EHMT1: variants seen among roughly 807,000 people sequenced by gnomAD.
The protein encoded by EHMT1 is euchromatic histone lysine methyltransferase 1.
In EHMT1, 15 loss-of-function variants were observed where a neutral mutation model predicts 147.2. The observed-to-expected ratio is 0.10, with a 90% CI of 0.07 to 0.16. The LOEUF (loss-of-function observed/expected upper bound fraction) is 0.16. Ranked by LOEUF, EHMT1 falls within the 10% of genes least tolerant of loss-of-function variation. EHMT1 has a pLI of 1.00. For synonymous variants in EHMT1, 795 were observed against 709.6 expected, an observed-to-expected ratio of 1.12 and a Z score of -1.91; for missense variants, 1,587 against 1,772.4, an observed-to-expected ratio of 0.90 and a Z score of 1.88.
chr9:137,729,916 A>G lies in EHMT1; in HGVS notation c.823+1387A>G, dbSNP rs981580129. ...CTCAGTGTCCTGTTCCGCATTTCCC[A>G]TTCCCGACTGTCTTTTAGGGCAAAG... On this transcript the variant is annotated intron_variant, in intron 4 of 26. Coordinates refer to ENST00000460843, the MANE Select transcript of EHMT1 (RefSeq NM_024757.5). Among the ~76,000 whole-genome samples the G allele has an allele frequency of 3.9e-5, 6 of 152,262 alleles. No individual in the cohort carries two copies. The East Asian group carries it at 5.8e-4, about 15-fold the overall frequency.
chr9:137,759,709 T>G (rs1427987723), intron 9 of EHMT1, among the ~76,000 whole-genome samples: 1 of 152,220 alleles, frequency 6.6e-6, no homozygotes, highest in East Asian at 1.9e-4. Context: ...ATGCTCTTGA[T>G]GTAGATCATC....
intron 18 of EHMT1, among the ~76,000 whole-genome samples, chr9:137,804,234 C>A (rs1953744039): frequency 6.6e-6 from 1 of 152,210 alleles, no homozygotes; most frequent in South Asian, 2.1e-4. Flanking sequence ...GACACAGAGC[C>A]AACCCATATC....
chr9:137,677,973 G>T (rs1234829637), intron 1 of EHMT1, among the ~76,000 whole-genome samples: 1 of 151,864 alleles, frequency 6.6e-6, no homozygotes, highest in Non-Finnish European at 1.5e-5. Context: ...GGAGGCTGAG[G>T]CAGGAGAATG....
chr9:137,788,385 G>A (rs1007056024), intron 15 of EHMT1: 4 of 321,554 alleles, frequency 1.2e-5, no homozygotes, highest in South Asian at 9.5e-5. Flanking sequence ...CTCAGCCGGG[G>A]TGACGCTCAC....
intron 1 of EHMT1, among the ~76,000 whole-genome samples, chr9:137,644,400 C>T (rs1844734234): frequency 6.6e-6 from 1 of 151,734 alleles, no homozygotes; most frequent in Admixed American, 6.6e-5. Context: ...TTTTGGCTCA[C>T]TGCAACCTCT....
chr9:137,833,785 A>G (rs1956393067), intron 25 of EHMT1, among the ~76,000 whole-genome samples: 1 of 152,246 alleles, frequency 6.6e-6, no homozygotes, highest in Non-Finnish European at 1.5e-5. Flanking sequence ...AGCACCCGGA[A>G]GGGCTGCAGC....
At chr9:137,816,973 A>G (rs1235677778) in intron 23 of EHMT1, 1 of 214,620 alleles carries the variant, frequency 4.7e-6, no homozygotes, top group Non-Finnish European at 9.4e-6. Context: ...CTGCCCAACC[A>G]CCTTCCCCCA....
intron 6 of EHMT1, 127 bp from the exon 7 acceptor site, chr9:137,752,204 A>C (rs1949024445): frequency 1.6e-5 from 19 of 1,163,698 alleles, no homozygotes; most frequent in Non-Finnish European, 2.3e-5. Flanking sequence ...CCGCCCCGCG[A>C]GCGTCTCCGG....
In EHMT1 at chr9:137,828,075, C is replaced by CG; in HGVS notation, c.3541-6273dup. Among the ~76,000 whole-genome samples, 1 of 152,130 alleles carries CG rather than the reference C, an allele frequency of 6.6e-6. No homozygotes were observed. The highest frequency in any genetic ancestry group is 1.5e-5 in the Non-Finnish European group (1 of 68,014). Reference sequence around the variant, plus strand: ...GCTGCCATCGTGGGAGGGACGTGGACGAACGGCACGCAGTGGGAGGCCATG... The same window carrying CG: ...GCTGCCATCGTGGGAGGGACGTGGACGGAACGGCACGCAGTGGGAGGCCATG... On this transcript the variant is annotated intron_variant, in intron 25 of 26. Coordinates refer to ENST00000460843, the MANE Select transcript of EHMT1 (RefSeq NM_024757.5). The surrounding 1 kb of genome is among the most constrained non-coding windows in gnomAD (Gnocchi z 5.3).
chr9:137,811,366 C>T, intron 18 of EHMT1, 95 bp from the exon 19 acceptor site: 1 of 1,575,026 alleles, frequency 6.3e-7, no homozygotes, highest in African/African-American at 1.3e-5. Flanking sequence ...TCCAGAGCCT[C>T]TCCCCGGGCA....
intron 16 of EHMT1, among the ~76,000 whole-genome samples, chr9:137,794,847 A>G (rs140573815): frequency 2.1e-3 from 321 of 152,266 alleles, no homozygotes; most frequent in Non-Finnish European, 2.1e-3. Context: ...GAAATCAAAC[A>G]TGTTCGGGTA....
At chr9:137,699,131 C>T (rs967542295) in intron 1 of EHMT1, among the ~76,000 whole-genome samples, 7 of 152,176 alleles carry the variant, frequency 4.6e-5, no homozygotes, top group African/African-American at 1.2e-4. Context: ...CCTGAAGGCG[C>T]GCTGCCGTCT....
chr9:137,625,249 C>T (rs748108449), intron 1 of EHMT1, among the ~76,000 whole-genome samples: 9 of 152,182 alleles, frequency 5.9e-5, no homozygotes, highest in Non-Finnish European at 1.0e-4. Flanking sequence ...TCGTTGCATC[C>T]GTGATTTTCC....
chr9:137,619,387 G>A (rs1048225144), intron 1 of EHMT1, among the ~76,000 whole-genome samples: 2 of 151,906 alleles, frequency 1.3e-5, no homozygotes, highest in African/African-American at 4.8e-5. Flanking sequence ...CCGCAAGCCG[G>A]ATCTGCGGGG....
rs748490372 is a variant in EHMT1 at position 137,778,004 on chromosome 9, G to C, written c.2141G>C (p.Gly714Ala). 3 of 1,613,696 alleles carry C rather than the reference G, an allele frequency of 1.9e-6. No individual in the cohort carries two copies. In the African/African-American group the frequency reaches 4.0e-5, roughly 22 times the overall value. ...LGRPTPGLSQ[G>A]PGKETLESAL... ...AGGCCAACTCCCGGCCTTTCCCAGG[G>C]ACCAGGGAAGGAAACCTTGGAGAGC... Residue 714 changes from glycine (G) to alanine (A), a missense_variant, in exon 13 of 27, where the codon GGA becomes GCA. Gly to Ala is a moderately conservative substitution (Grantham distance 60). Transcript: ENST00000460843.
chr9:137,642,028 C>CG (rs1002590760), intron 1 of EHMT1, among the ~76,000 whole-genome samples: 111 of 150,942 alleles, frequency 7.4e-4, no homozygotes, highest in African/African-American at 2.7e-3. Context: ...TTAGTAGAGA[C>CG]GGAGTTTCGT....
chr9:137,765,677 G>GC (rs1269467067), intron 10 of EHMT1, among the ~76,000 whole-genome samples: 6 of 1,506 alleles, frequency 4.0e-3, no homozygotes, highest in Non-Finnish European at 9.1e-3. Flanking sequence ...CCCCGCCCCC[G>GC]CCGCCCCAGC....
intron 1 of EHMT1, among the ~76,000 whole-genome samples, chr9:137,625,472 G>A (rs1016386778): frequency 1.2e-4 from 18 of 151,942 alleles, no homozygotes; most frequent in Non-Finnish European, 4.4e-5. Flanking sequence ...CAAGTAGCTG[G>A]GACTACAGGC....
At chr9:137,752,215 C>G in intron 6 of EHMT1, 116 bp from the exon 7 acceptor site, 1 of 1,251,244 alleles carries the variant, frequency 8.0e-7, no homozygotes, top group Non-Finnish European at 1.1e-6. Context: ...GCGTCTCCGG[C>G]GTGTGCGGCC....
Sources: allele counts gnomAD v4.1 joint callset (sites outside exome capture counted in the v4.1 genomes callset), GRCh38; gene constraint gnomAD v4.1.1; non-coding constraint Gnocchi (gnomAD v3.1); transcripts MANE v1.5; gene names NCBI Gene and HGNC (gene_info 2026-07-23, HGNC 2026-07-21).